The following USH2A variants were observed in gnomAD, a reference collection of about 807,000 sequenced individuals.
USH2A encodes usherin, also known as Usher syndrome 2A (autosomal recessive, mild).
USH2A carries 443 observed loss-of-function variants against 538.9 expected under a neutral mutation model. The ratio of observed to expected loss-of-function variants is 0.82; its 90% CI spans 0.76 to 0.89. USH2A has a LOEUF of 0.89. Among genes scored for constraint, USH2A ranks in the 40% least tolerant of loss-of-function variants. USH2A has a pLI of 0.00. For missense variants in USH2A, 6,633 were observed against 6,324.8 expected (o/e 1.05, Z -1.65); for synonymous variants, 2,413 against 2,273.5 (o/e 1.06, Z -1.75).
intron 71 of USH2A, among the ~76,000 whole-genome samples, chr1:215,627,425 C>CTTCCTTCT (rs1558027362): frequency 2.8e-5 from 3 of 105,880 alleles, no homozygotes; most frequent in Admixed American, 2.8e-4. Context: ...TCCTTCCTTC[C>CTTCCTTCT]TTCCTTCCTT....
At chr1:215,755,832 T>G (rs146442432) in intron 58 of USH2A, among the ~76,000 whole-genome samples, 19 of 152,312 alleles carry the variant, frequency 1.2e-4, no homozygotes, top group Middle Eastern at 6.8e-3. Flanking sequence ...TTGTGTTTTA[T>G]TCCACAATGA....
chr1:216,089,291 A>G (rs2032233559), intron 22 of USH2A, 152 bp from the exon 23 acceptor site: 1 of 828,906 alleles, frequency 1.2e-6, no homozygotes, highest in Non-Finnish European at 1.9e-6. Flanking sequence ...ATTAAAGCTG[A>G]TGTCTAGCAT....
intron 26 of USH2A, chr1:216,079,830 G>T (rs2031877472): frequency 6.6e-6 from 1 of 152,130 alleles, no homozygotes; most frequent in South Asian, 2.1e-4. Context: ...GGATAATGAT[G>T]ATGCTGATGA....
intron 38 of USH2A, among the ~76,000 whole-genome samples, chr1:215,925,272 T>C (rs911150939): frequency 3.9e-5 from 6 of 152,100 alleles, no homozygotes; most frequent in Admixed American, 2.6e-4. Flanking sequence ...GGAGAAAGCA[T>C]GGGTTAAATT....
In USH2A at chr1:215,780,065, C is replaced by A. The variant is rs377098861; in HGVS notation, c.10741-24G>T. ...ACCTGAAGACGTAGGAATTAAGCAG[C>A]AATTTATTGTAATAGTGCACTAGCT... is the stretch of plus-strand genomic sequence containing the variant. On this transcript the variant is annotated intron_variant, in intron 54 of 71. Coordinates refer to ENST00000307340, the MANE Select transcript of USH2A (RefSeq NM_206933.4). 22 of 1,612,964 alleles carry A rather than the reference C, an allele frequency of 1.4e-5. No individual in the cohort carries two copies. In the South Asian group the frequency reaches 1.4e-4, roughly 10 times the overall value.
At position 216,073,088 on chromosome 1, in the gene USH2A, C is replaced by A. The variant is rs1405078779; in HGVS notation, c.5776+9G>T. On this transcript the variant is annotated intron_variant, in intron 28 of 71. Coordinates refer to ENST00000307340, the MANE Select transcript of USH2A (RefSeq NM_206933.4). ...ATGTAACATTTAATTTAGAGGACCT[C>A]CACATTACCTGTAAAAGGCTGGAGA... The A allele has an allele frequency of 1.2e-5, 20 of 1,613,722 alleles. No individual in the cohort carries two copies. Among genetic ancestry groups the A allele is most frequent in the Non-Finnish European group, 1.7e-5 (20 of 1,179,908 alleles).
intron 40 of USH2A, among the ~76,000 whole-genome samples, chr1:215,898,047 C>G (rs1218230557): frequency 1.3e-5 from 2 of 152,198 alleles, no homozygotes; most frequent in Non-Finnish European, 2.9e-5. Context: ...ATACAGTACC[C>G]TGTCACCATG....
chr1:215,834,769 CTT>C (rs560404237), intron 47 of USH2A, among the ~76,000 whole-genome samples: 1 of 143,252 alleles, frequency 7.0e-6, no homozygotes, highest in Non-Finnish European at 1.5e-5. Context: ...ACTTTCTTGT[CTT>C]TTTTTTTTTT....
chr1:216,054,381 TAAGACAAAATCATTGTGGAGCTGACACC>T (rs145297982), intron 30 of USH2A, among the ~76,000 whole-genome samples: 4,174 of 152,236 alleles, frequency 0.027, 215 homozygotes, highest in African/African-American at 0.095. Context: ...CCTGACGACC[TAAGACAAAATCATTGTGGAGCTGACACC>T]AGCTCTGCAA....
intron 32 of USH2A, among the ~76,000 whole-genome samples, chr1:216,017,653 A>G (rs116552879): frequency 1.6e-4 from 25 of 152,332 alleles, no homozygotes; most frequent in African/African-American, 5.3e-4. Flanking sequence ...GCAGGAAAAG[A>G]GTAGGTTTAT....
rs2036048209 is a variant in USH2A, at chr1:216,246,502, C to T, written c.2809+83G>A. ...TTGGAAATAAAATTTGTAGAAGCCACAAACCAGAAACAGGGAGAAGTTACC... is the reference window on the plus strand; with the variant it reads ...TTGGAAATAAAATTTGTAGAAGCCATAAACCAGAAACAGGGAGAAGTTACC... On this transcript the variant is annotated intron_variant, in intron 13 of 71. Coordinates refer to ENST00000307340, the MANE Select transcript of USH2A (RefSeq NM_206933.4). 1.9e-6 allele frequency: 3 copies of T among 1,595,084 alleles called. No individual in the cohort carries two copies. The South Asian group carries it at 3.3e-5, about 18-fold the overall frequency.
chr1:216,070,391 C>T, intron 29 of USH2A, 99 bp from the exon 30 acceptor site: 1 of 1,083,784 alleles, frequency 9.2e-7, no homozygotes, highest in East Asian at 2.5e-5. Context: ...TCAGACTCAA[C>T]CATTAGCATA....
chr1:216,125,653 AT>A (rs977984653), intron 21 of USH2A, among the ~76,000 whole-genome samples: 1 of 152,132 alleles, frequency 6.6e-6, no homozygotes, highest in Admixed American at 6.6e-5. Context: ...TTTTATCAGT[AT>A]TTTTTTAGTG....
intron 3 of USH2A, among the ~76,000 whole-genome samples, chr1:216,375,992 C>T (rs1218373597): frequency 6.6e-6 from 1 of 152,036 alleles, no homozygotes; most frequent in Non-Finnish European, 1.5e-5. Context: ...TTTGCCATAT[C>T]ATATTGGTGT....
chr1:215,852,016 A>G (rs550091556), intron 44 of USH2A, among the ~76,000 whole-genome samples: 1 of 152,262 alleles, frequency 6.6e-6, no homozygotes, highest in African/African-American at 2.4e-5. Flanking sequence ...CCTCAGCAAA[A>G]TAGGCATAGA....
chr1:215,892,349 G>A lies in USH2A; in HGVS notation c.7595-3295C>T, dbSNP rs997525434. Among the ~76,000 whole-genome samples the A allele has an allele frequency of 3.9e-5, 6 of 151,948 alleles. No homozygotes were observed. The South Asian group carries it at 8.3e-4, about 21-fold the overall frequency. On this transcript the variant is annotated intron_variant, in intron 40 of 71. Coordinates refer to ENST00000307340, the MANE Select transcript of USH2A (RefSeq NM_206933.4). ...ATTTTACCATTCTAATTAAAGCCTC[G>A]CTCAGTTTAAAAACTCTTTTTGGTA...
chr1:215,879,216 T>A, intron 41 of USH2A, 118 bp from the exon 42 acceptor site: 2 of 835,638 alleles, frequency 2.4e-6, no homozygotes, highest in Admixed American at 3.8e-5. Context: ...AATGGCTACA[T>A]TCTCCTGAGG....
At chr1:215,739,561 T>G (rs1660244817) in intron 60 of USH2A, among the ~76,000 whole-genome samples, 1 of 152,250 alleles carries the variant, frequency 6.6e-6, no homozygotes, top group South Asian at 2.1e-4. Flanking sequence ...GAAAGAAAAC[T>G]ATTTCAAGAG....
chr1:216,150,129 C>T (rs944713860), intron 21 of USH2A, among the ~76,000 whole-genome samples: 3 of 152,122 alleles, frequency 2.0e-5, no homozygotes, highest in African/African-American at 7.2e-5. Flanking sequence ...GTCATCCCTA[C>T]TATCTTCTGT....
Sources: gnomAD v4.1 joint callset for allele counts (sites outside exome capture counted in the v4.1 genomes callset) on GRCh38, gnomAD v4.1.1 for gene constraint, MANE v1.5 for transcripts, NCBI Gene and HGNC (gene_info 2026-07-23, HGNC 2026-07-21) for gene names.